Variants in PPARGC1B observed in about 807,000 individuals in gnomAD.
PPARGC1B encodes PPARG coactivator 1 beta, also known as peroxisome proliferator-activated receptor gamma coactivator 1-beta.
PPARGC1B carries 34 observed loss-of-function variants against 101.6 expected under a neutral mutation model. The ratio of observed to expected loss-of-function variants is 0.33; its 90% confidence interval spans 0.25 to 0.45. PPARGC1B has a LOEUF of 0.45. Among genes scored for constraint, PPARGC1B ranks in the 20% least tolerant of loss-of-function variants. The probability of loss-of-function intolerance (pLI) is 1.00; values close to 1 mark genes in which losing one functional copy is unlikely to be tolerated. For missense variants in PPARGC1B, 1,234 were observed against 1,317.6 expected (o/e 0.94, Z 0.98); for synonymous variants, 548 against 539.3 (o/e 1.02, Z -0.22).
intron 1 of PPARGC1B, among the ~76,000 whole-genome samples, chr5:149,745,706 G>A (rs981542881): frequency 3.3e-5 from 5 of 152,166 alleles, no homozygotes; most frequent in African/African-American, 9.7e-5. Context: ...ATGTCATAGG[G>A]AAAAGAAGTA....
chr5:149,794,936 A>T (rs1757157045), intron 1 of PPARGC1B, among the ~76,000 whole-genome samples: 1 of 152,212 alleles, frequency 6.6e-6, no homozygotes, highest in Admixed American at 6.5e-5. Flanking sequence ...CCATTGCCCC[A>T]CTGATGTGTG....
rs754820640 is a variant in PPARGC1B at position 149,735,952 on chromosome 5, C to T, written c.78+5532C>T. The stretch of plus-strand genomic sequence containing the variant: ...CAGCCTGACCAACGTGGTGAAACCC[C>T]GTCTCTACTAAAAATACAAAAATTA... On this transcript the variant is annotated intron_variant, in intron 1 of 11. Transcript: ENST00000309241. Among the ~76,000 whole-genome samples the T allele has an allele frequency of 2.6e-5, 4 of 152,180 alleles. No homozygotes were observed. The East Asian group carries it at 5.8e-4, about 22-fold the overall frequency.
rs111376432 is a variant in PPARGC1B, at chr5:149,788,262, G to A, written c.79-32171G>A. ...CAAACAACCCCATCAACAAGTGGGC[G>A]AAGTATATGAACAGACACTTCTCAA... On this transcript the variant is annotated intron_variant, in intron 1 of 11. Transcript: ENST00000309241. Among the ~76,000 whole-genome samples the A allele has an allele frequency of 2.9e-4, 44 of 152,236 alleles. 1 individual carries two copies. Among genetic ancestry groups the A allele is most frequent in the African/African-American group, 9.6e-4 (40 of 41,542 alleles).
chr5:149,741,026 C>T (rs965005967), intron 1 of PPARGC1B, among the ~76,000 whole-genome samples: 1 of 152,136 alleles, frequency 6.6e-6, no homozygotes, highest in African/African-American at 2.4e-5. Context: ...AGACAGGGCC[C>T]TCGGCTGCTG....
At chr5:149,825,621 C>G (rs1024225878) in intron 2 of PPARGC1B, among the ~76,000 whole-genome samples, 1 of 152,232 alleles carries the variant, frequency 6.6e-6, no homozygotes, top group Non-Finnish European at 1.5e-5. Context: ...TTCTTCCTAG[C>G]CTTTCTCACG....
At chr5:149,787,677 A>G (rs1756864093) in intron 1 of PPARGC1B, among the ~76,000 whole-genome samples, 1 of 151,888 alleles carries the variant, frequency 6.6e-6, no homozygotes, top group Admixed American at 6.6e-5. Context: ...CTGTGATCAC[A>G]TTCTATCTGC....
intron 1 of PPARGC1B, among the ~76,000 whole-genome samples, chr5:149,775,253 G>A (rs2113202716): frequency 6.6e-6 from 1 of 152,320 alleles, no homozygotes; most frequent in South Asian, 2.1e-4. Context: ...TCTGGAGAGG[G>A]CAGGGCATAG....
chr5:149,796,722 G>A (rs558306598), intron 1 of PPARGC1B, among the ~76,000 whole-genome samples: 81 of 152,242 alleles, frequency 5.3e-4, no homozygotes, highest in African/African-American at 1.8e-3. Context: ...ATGTGAGGGC[G>A]AGGGAAGAGA....
intron 1 of PPARGC1B, among the ~76,000 whole-genome samples, chr5:149,768,115 A>G (rs1755986386): frequency 6.6e-6 from 1 of 152,044 alleles, no homozygotes. Flanking sequence ...ACCCTGCTTC[A>G]CAGGGATAGG....
intron 1 of PPARGC1B, among the ~76,000 whole-genome samples, chr5:149,799,487 C>G (rs1260719221): frequency 1.3e-5 from 2 of 152,042 alleles, no homozygotes; most frequent in Non-Finnish European, 2.9e-5. Context: ...GGCTTAGGCT[C>G]GATTGAAGGG....
chr5:149,855,125 C>G (rs1307704128), downstream of PPARGC1B: 2 of 152,188 alleles, frequency 1.3e-5, no homozygotes, highest in Non-Finnish European at 2.9e-5. Context: ...GTCACCTTCT[C>G]AGATAAGACC....
intron 1 of PPARGC1B, among the ~76,000 whole-genome samples, chr5:149,777,079 T>G (rs1203689092): frequency 6.6e-6 from 1 of 152,202 alleles, no homozygotes; most frequent in African/African-American, 2.4e-5. Flanking sequence ...CAGAAGGTAG[T>G]GTGGTTTCCC....
Position 149,819,002 on chromosome 5 carries a change from C to T in PPARGC1B, c.79-1431C>T, listed in dbSNP as rs1369710184. The T allele has an allele frequency of 7.6e-6, 3 of 396,316 alleles. No individual in the cohort carries two copies. The Admixed American group carries it at 8.5e-5, about 11-fold the overall frequency. The allele number at this position is 396,316 out of a possible 1,614,324, so 24.5% of individuals were successfully genotyped here. On this transcript the variant is annotated intron_variant, in intron 1 of 11. Coordinates refer to ENST00000309241, the MANE Select transcript of PPARGC1B (RefSeq NM_133263.4). Reference sequence around the variant, plus strand: ...CTGTTTCTGTGTCAGCCCCCCAACTCAGGCTATTTCTGAATCTGTAGGGCA... The same window carrying T: ...CTGTTTCTGTGTCAGCCCCCCAACTTAGGCTATTTCTGAATCTGTAGGGCA...
chr5:149,760,646 A>G (rs1169744343), intron 1 of PPARGC1B, among the ~76,000 whole-genome samples: 2 of 152,222 alleles, frequency 1.3e-5, no homozygotes, highest in Non-Finnish European at 2.9e-5. Context: ...ACATAAGTGG[A>G]GCCCAAATGC....
chr5:149,731,383 T>TA (rs1301648434), intron 1 of PPARGC1B, among the ~76,000 whole-genome samples: 1 of 151,542 alleles, frequency 6.6e-6, no homozygotes, highest in African/African-American at 2.4e-5. Context: ...GTTGCAAGCA[T>TA]AAAGTTTGGC....
intron 1 of PPARGC1B, among the ~76,000 whole-genome samples, chr5:149,765,487 T>G (rs1439151643): frequency 6.6e-6 from 1 of 152,178 alleles, no homozygotes; most frequent in East Asian, 1.9e-4. Flanking sequence ...ATATCTCCTC[T>G]GGTCTGTGAG....
At chr5:149,786,598 G>C (rs182833463) in intron 1 of PPARGC1B, among the ~76,000 whole-genome samples, 8 of 152,210 alleles carry the variant, frequency 5.3e-5, no homozygotes, top group African/African-American at 1.9e-4. Context: ...CCAGAGGCAG[G>C]CGTGTGTGCA....
chr5:149,791,192 GA>G (rs1439867217), intron 1 of PPARGC1B, among the ~76,000 whole-genome samples: 1 of 118,568 alleles, frequency 8.4e-6, no homozygotes, highest in Non-Finnish European at 1.7e-5. Flanking sequence ...TGAGACACGA[GA>G]ATTGTCTGGG....
chr5:149,817,608 C>T, intron 1 of PPARGC1B: 2 of 404,438 alleles, frequency 4.9e-6, no homozygotes, highest in East Asian at 7.3e-5. Flanking sequence ...TCTTCCCTCA[C>T]TAAGATGTCA....
Sources: gnomAD v4.1 joint callset for allele counts (sites outside exome capture counted in the v4.1 genomes callset) on GRCh38, gnomAD v4.1.1 for gene constraint, MANE v1.5 for transcripts, NCBI Gene and HGNC (gene_info 2026-07-23, HGNC 2026-07-21) for gene names.